Variants in PAPPA2 observed in about 807,000 individuals in gnomAD.
The protein encoded by PAPPA2 is pappalysin-2.
PAPPA2 carries 86 observed loss-of-function variants against 176.4 expected under a neutral mutation model. That is an observed-to-expected ratio of 0.49 (90% CI 0.41 to 0.58). The LOEUF (loss-of-function observed/expected upper bound fraction) is 0.58. PAPPA2 is among the 20% of genes least tolerant of loss of function. The pLI is 0.00. For missense variants in PAPPA2, 2,073 were observed against 2,256.9 expected (o/e 0.92, Z 1.65); for synonymous variants, 809 against 852.2 (o/e 0.95, Z 0.88).
At chr1:176,680,848 A>T (rs1465216910) in intron 4 of PAPPA2, among the ~76,000 whole-genome samples, 1 of 152,200 alleles carries the variant, frequency 6.6e-6, no homozygotes, top group Non-Finnish European at 1.5e-5. Context: ...ATGAGAAAAG[A>T]TTTAACATAA....
chr1:176,840,164 T>TC lies in PAPPA2; in HGVS notation c.5203-6dup. On this transcript the variant is annotated splice_polypyrimidine_tract_variant and intron_variant, in intron 21 of 22. Transcript: ENST00000367662. ...TATACTGAGATGTTGCCTTCTAACCTCCCTACAGCCCTTCCAAGCAGATGG... is the reference window on the plus strand; with the variant it reads ...TATACTGAGATGTTGCCTTCTAACCTCCCCTACAGCCCTTCCAAGCAGATGG... The TC allele has an allele frequency of 6.2e-7, 1 of 1,609,226 alleles. No homozygotes were observed. The highest frequency in any genetic ancestry group is 8.5e-7 in the Non-Finnish European group (1 of 1,176,104).
At chr1:176,564,642 T>G (rs1435359694) in intron 2 of PAPPA2, among the ~76,000 whole-genome samples, 4 of 152,146 alleles carry the variant, frequency 2.6e-5, no homozygotes, top group Non-Finnish European at 4.4e-5. Flanking sequence ...ACTTCCCAGA[T>G]ATTTCTTGCA....
chr1:176,828,151 C>G (rs922018438), intron 21 of PAPPA2, among the ~76,000 whole-genome samples: 18 of 152,248 alleles, frequency 1.2e-4, no homozygotes, highest in Middle Eastern at 3.4e-3. Context: ...TATCGTCAGA[C>G]ACATTCCCTA....
At chr1:176,517,625 G>A (rs920671848) in intron 1 of PAPPA2, among the ~76,000 whole-genome samples, 2 of 152,146 alleles carry the variant, frequency 1.3e-5, no homozygotes, top group Non-Finnish European at 2.9e-5. Context: ...ATTAAAAACA[G>A]GTGACTGTGA....
At chr1:176,636,016 T>G (rs755646661) in intron 3 of PAPPA2, among the ~76,000 whole-genome samples, 1 of 152,024 alleles carries the variant, frequency 6.6e-6, no homozygotes, top group Non-Finnish European at 1.5e-5. Flanking sequence ...TCATCAATTC[T>G]GAAACCAGGG....
chr1:176,548,754 C>T (rs1259203139), intron 1 of PAPPA2, among the ~76,000 whole-genome samples: 2 of 152,162 alleles, frequency 1.3e-5, no homozygotes, highest in Non-Finnish European at 2.9e-5. Context: ...AATAGATTTA[C>T]ATTGATGCTA....
chr1:176,584,595 T>C (rs1653191410), intron 2 of PAPPA2, among the ~76,000 whole-genome samples: 1 of 152,166 alleles, frequency 6.6e-6, no homozygotes, highest in Non-Finnish European at 1.5e-5. Flanking sequence ...TCAATCTATA[T>C]TTTTTAGTTG....
intron 1 of PAPPA2, among the ~76,000 whole-genome samples, chr1:176,470,237 CT>C (rs1244490008): frequency 6.6e-6 from 1 of 152,214 alleles, no homozygotes; most frequent in African/African-American, 2.4e-5. Flanking sequence ...AAGCCAAGAA[CT>C]CTGGACATTG....
intron 3 of PAPPA2, among the ~76,000 whole-genome samples, chr1:176,599,703 C>T (rs923062774): frequency 1.3e-5 from 2 of 151,314 alleles, no homozygotes; most frequent in Non-Finnish European, 2.9e-5. Flanking sequence ...GTGTTATATC[C>T]GATGCATCTG....
At chr1:176,610,336 G>A (rs888048929) in intron 3 of PAPPA2, among the ~76,000 whole-genome samples, 11 of 88,352 alleles carry the variant, frequency 1.2e-4, no homozygotes, top group African/African-American at 9.4e-4. Flanking sequence ...ATGCTGCAAA[G>A]TTGTGTGTGG....
At chr1:176,653,728 C>T (rs973226205) in intron 3 of PAPPA2, among the ~76,000 whole-genome samples, 1 of 151,674 alleles carries the variant, frequency 6.6e-6, no homozygotes, top group African/African-American at 2.4e-5. Context: ...CCTTATACCC[C>T]ACTCCGTCTC....
intron 1 of PAPPA2, among the ~76,000 whole-genome samples, chr1:176,534,064 A>G (rs548114913): frequency 6.6e-6 from 1 of 151,538 alleles, no homozygotes; most frequent in South Asian, 2.1e-4. Flanking sequence ...ATTTTTATAT[A>G]ATGTTTCTTT....
chr1:176,817,398 A>T (rs1486733433), intron 21 of PAPPA2, among the ~76,000 whole-genome samples: 1 of 152,116 alleles, frequency 6.6e-6, no homozygotes, highest in Non-Finnish European at 1.5e-5. Flanking sequence ...CGTGCTTGGG[A>T]TGTAAACTTT....
chr1:176,765,949 G>A (rs903746825), intron 15 of PAPPA2, 112 bp downstream of exon 15: 6 of 1,261,912 alleles, frequency 4.8e-6, no homozygotes, highest in Non-Finnish European at 6.5e-6. Context: ...CCATTTGAAA[G>A]CAAAACATGG....
At chr1:176,620,072 T>C (rs2102690156) in intron 3 of PAPPA2, among the ~76,000 whole-genome samples, 1 of 152,322 alleles carries the variant, frequency 6.6e-6, no homozygotes, top group Middle Eastern at 3.4e-3. Flanking sequence ...ACCAAGGCAC[T>C]AGCAAATTCA....
intron 14 of PAPPA2, among the ~76,000 whole-genome samples, chr1:176,762,440 C>A (rs1435994814): frequency 6.6e-6 from 1 of 152,142 alleles, no homozygotes; most frequent in African/African-American, 2.4e-5. Context: ...CTTGTCTCAA[C>A]ATGTATTTGT....
chr1:176,683,893 A>G (rs530289023), intron 4 of PAPPA2, among the ~76,000 whole-genome samples: 27 of 152,156 alleles, frequency 1.8e-4, no homozygotes, highest in Non-Finnish European at 3.2e-4. Context: ...GTCAAGGTAC[A>G]ATCAACTTTA....
intron 1 of PAPPA2, among the ~76,000 whole-genome samples, chr1:176,510,461 A>G (rs2102522142): frequency 6.6e-6 from 1 of 152,300 alleles, no homozygotes; most frequent in Middle Eastern, 3.4e-3. Context: ...AGTTTAAATA[A>G]TGGCTTTTCA....
intron 15 of PAPPA2, among the ~76,000 whole-genome samples, chr1:176,768,370 C>T (rs1473654900): frequency 6.6e-6 from 1 of 152,168 alleles, no homozygotes; most frequent in Non-Finnish European, 1.5e-5. Flanking sequence ...CCTGTTATAC[C>T]ATCACACAGG....
Sources: gnomAD v4.1 joint callset for allele counts (sites outside exome capture counted in the v4.1 genomes callset) on GRCh38, gnomAD v4.1.1 for gene constraint, MANE v1.5 for transcripts, NCBI Gene and HGNC (gene_info 2026-07-23, HGNC 2026-07-21) for gene names.